The following ADAMTS3 variants were observed in gnomAD, a reference collection of about 807,000 sequenced individuals.
The protein encoded by ADAMTS3 is ADAM metallopeptidase with thrombospondin type 1 motif 3, also known as A disintegrin and metalloproteinase with thrombospondin motifs 3.
ADAMTS3 carries 73 observed loss-of-function variants against 129.0 expected under a neutral mutation model. The ratio of observed to expected loss-of-function variants is 0.57; its 90% CI spans 0.47 to 0.69. The LOEUF is 0.69. Among genes scored for constraint, ADAMTS3 ranks in the 30% least tolerant of loss-of-function variants. The probability of loss-of-function intolerance (pLI) is 0.00; values close to 1 mark genes in which losing one functional copy is unlikely to be tolerated. For missense variants in ADAMTS3, 1,457 were observed against 1,514.5 expected (o/e 0.96, Z 0.63); for synonymous variants, 477 against 510.8 (o/e 0.93, Z 0.89).
chr4:72,292,495 C>T (rs115910341), intron 19 of ADAMTS3, among the ~76,000 whole-genome samples: 1,725 of 152,174 alleles, frequency 0.011, 47 homozygotes, highest in African/African-American at 0.039. Flanking sequence ...CAAATGCACC[C>T]GATAGAAACA....
At chr4:72,371,979 T>C (rs1721021415) in intron 4 of ADAMTS3, among the ~76,000 whole-genome samples, 1 of 151,810 alleles carries the variant, frequency 6.6e-6, no homozygotes, top group Non-Finnish European at 1.5e-5. Flanking sequence ...AAAAAGATAA[T>C]TAGAAAATCT....
At chr4:72,483,251 G>A (rs1418753860) in intron 3 of ADAMTS3, among the ~76,000 whole-genome samples, 3 of 152,042 alleles carry the variant, frequency 2.0e-5, no homozygotes, top group Non-Finnish European at 4.4e-5. Context: ...AATTATGAGA[G>A]CTACCAAAAA....
At chr4:72,455,860 A>ACACT (rs1283638922) in intron 3 of ADAMTS3, among the ~76,000 whole-genome samples, 4 of 117,008 alleles carry the variant, frequency 3.4e-5, no homozygotes, top group African/African-American at 1.5e-4. Flanking sequence ...TTTTATATAT[A>ACACT]GTATATACAC....
In ADAMTS3 at chr4:72,493,666, T is replaced by C. The variant is rs1455877837; in HGVS notation, c.504+54812A>G. Among the ~76,000 whole-genome samples the C allele has an allele frequency of 5.3e-5, 8 of 152,236 alleles. No individual in the cohort carries two copies. The East Asian group carries it at 1.5e-3, about 29-fold the overall frequency. On this transcript the variant is annotated intron_variant, in intron 3 of 21. Transcript: ENST00000286657. Reference sequence around the variant, plus strand: ...ATTAATTTGTACATGTCCATTTGGCTGTATCTGTTATATTTATGCTTTCAA... The same window carrying C: ...ATTAATTTGTACATGTCCATTTGGCCGTATCTGTTATATTTATGCTTTCAA...
Position 72,548,836 on chromosome 4 carries a change from C to G in ADAMTS3, c.146G>C (p.Ser49Thr), listed in dbSNP as rs754502492. 1.5e-5 allele frequency: 24 copies of G among 1,613,558 alleles called. No homozygotes were observed. Among genetic ancestry groups the G allele is most frequent in the South Asian group, 2.2e-5 (2 of 91,074 alleles). ...GAGATAGCGTCCTTCTAGATTTGTG[C>G]TGACTGGAGTCACCAGCTCATACTC... ...YREYELVTPV[S>T]TNLEGRYLSH... The change falls in exon 3 of 22, where the codon AGC becomes ACC. Residue 49 changes from serine to threonine, a missense_variant. Ser to Thr is a moderately conservative substitution (Grantham distance 58). Transcript: ENST00000286657.
At chr4:72,526,582 G>GTGTGTT (rs1720813677) in intron 3 of ADAMTS3, among the ~76,000 whole-genome samples, 1 of 148,244 alleles carries the variant, frequency 6.7e-6, no homozygotes, top group Non-Finnish European at 1.5e-5. Flanking sequence ...GTGTGTGTGT[G>GTGTGTT]TGTGTGTGTG....
chr4:72,560,841 A>T (rs1052120354), intron 2 of ADAMTS3, among the ~76,000 whole-genome samples: 1 of 152,128 alleles, frequency 6.6e-6, no homozygotes, highest in Non-Finnish European at 1.5e-5. Context: ...CCTGGAACTT[A>T]AAATTAAAAT....
intron 3 of ADAMTS3, among the ~76,000 whole-genome samples, chr4:72,547,015 C>T (rs1355610260): frequency 6.6e-6 from 1 of 152,052 alleles, no homozygotes; most frequent in East Asian, 1.9e-4. Flanking sequence ...AGATGGAGAA[C>T]GTACAGCAGA....
intron 2 of ADAMTS3, among the ~76,000 whole-genome samples, chr4:72,556,822 G>C (rs1174960115): frequency 2.0e-5 from 3 of 151,880 alleles, no homozygotes; most frequent in East Asian, 3.9e-4. Context: ...AATGAAAAGT[G>C]AGCTGTTATC....
At chr4:72,324,384 A>C (rs558145228) in intron 5 of ADAMTS3, among the ~76,000 whole-genome samples, 16 of 152,280 alleles carry the variant, frequency 1.1e-4, no homozygotes, top group African/African-American at 3.9e-4. Flanking sequence ...AGGGTCTTGA[A>C]TGTAGACTGA....
intron 3 of ADAMTS3, among the ~76,000 whole-genome samples, chr4:72,416,813 T>C (rs1200762130): frequency 6.6e-6 from 1 of 152,202 alleles, no homozygotes; most frequent in East Asian, 1.9e-4. Context: ...ACCAGTACTT[T>C]CAACACTCAC....
intron 4 of ADAMTS3, among the ~76,000 whole-genome samples, chr4:72,377,622 C>T (rs1409983505): frequency 6.6e-6 from 1 of 152,148 alleles, no homozygotes; most frequent in Non-Finnish European, 1.5e-5. Flanking sequence ...TCTGCAGATG[C>T]TAAAAGTATT....
chr4:72,508,067 T>C (rs1720209728), intron 3 of ADAMTS3, among the ~76,000 whole-genome samples: 1 of 152,190 alleles, frequency 6.6e-6, no homozygotes, highest in Non-Finnish European at 1.5e-5. Flanking sequence ...ATAATATGCA[T>C]AGTTACATGC....
At chr4:72,479,664 CA>C (rs1210896570) in intron 3 of ADAMTS3, among the ~76,000 whole-genome samples, 1 of 152,148 alleles carries the variant, frequency 6.6e-6, no homozygotes, top group Non-Finnish European at 1.5e-5. Flanking sequence ...ACACCAAAAG[CA>C]ATGGCAACAA....
At chr4:72,410,594 T>C (rs1311356213) in intron 4 of ADAMTS3, among the ~76,000 whole-genome samples, 1 of 152,110 alleles carries the variant, frequency 6.6e-6, no homozygotes, top group Non-Finnish European at 1.5e-5. Context: ...TTCAGCCACC[T>C]TCCCCCAAAA....
rs182018690 is a variant in ADAMTS3 at position 72,472,865 on chromosome 4, C to T, written c.505-57894G>A. On this transcript the variant is annotated intron_variant, in intron 3 of 21. Coordinates refer to ENST00000286657, the MANE Select transcript of ADAMTS3 (RefSeq NM_014243.3). ...GGCTAGCATTTGTTTCATGTTAAGA[C>T]ACAAGTCAATCTGAGGTGCCTCAAA... is the stretch of plus-strand genomic sequence containing the variant. Among the ~76,000 whole-genome samples the T allele has an allele frequency of 2.0e-4, 31 of 152,168 alleles. No homozygotes were observed. In the East Asian group the frequency reaches 5.8e-3, roughly 29 times the overall value.
At chr4:72,512,907 C>T (rs1720354511) in intron 3 of ADAMTS3, among the ~76,000 whole-genome samples, 1 of 152,156 alleles carries the variant, frequency 6.6e-6, no homozygotes, top group Admixed American at 6.6e-5. Context: ...ATTCTTTTCA[C>T]GTGTGGAGGC....
intron 5 of ADAMTS3, among the ~76,000 whole-genome samples, chr4:72,337,269 T>C (rs1419851648): frequency 6.6e-6 from 1 of 151,452 alleles, no homozygotes; most frequent in Non-Finnish European, 1.5e-5. Flanking sequence ...AGTCATAGTC[T>C]ATTATCTAAT....
chr4:72,417,850 G>A (rs1487608917), intron 3 of ADAMTS3, among the ~76,000 whole-genome samples: 1 of 149,582 alleles, frequency 6.7e-6, no homozygotes, highest in Admixed American at 6.7e-5. Flanking sequence ...GGAGAATGGC[G>A]TGAACCCGGG....
Sources: allele counts gnomAD v4.1 joint callset (sites outside exome capture counted in the v4.1 genomes callset), GRCh38; gene constraint gnomAD v4.1.1; transcripts MANE v1.5; gene names NCBI Gene and HGNC (gene_info 2026-07-23, HGNC 2026-07-21).